The following AHRR variants were observed in gnomAD, a reference collection of about 807,000 sequenced individuals.
The protein encoded by AHRR is ahR repressor.
Under a neutral mutation model 44.0 loss-of-function variants are expected in AHRR, and 28 were observed. That is an observed-to-expected ratio of 0.64 (90% CI 0.47 to 0.87). AHRR has a LOEUF of 0.87. AHRR is among the 40% of genes least tolerant of loss of function. The pLI, the probability that AHRR is intolerant of heterozygous loss-of-function variation, is 0.00. For missense variants in AHRR, 990 were observed against 953.9 expected (o/e 1.04, Z -0.50); for synonymous variants, 434 against 407.0 (o/e 1.07, Z -0.80).
intron 1 of AHRR, among the ~76,000 whole-genome samples, chr5:341,677 A>C (rs1742355091): frequency 6.6e-6 from 1 of 150,892 alleles, no homozygotes; most frequent in Admixed American, 6.6e-5. Context: ...ATGAGCCACC[A>C]CGCCCTGCCA....
At chr5:359,676 G>A (rs952578359) in intron 3 of AHRR, among the ~76,000 whole-genome samples, 2 of 152,164 alleles carry the variant, frequency 1.3e-5, no homozygotes, top group East Asian at 1.9e-4. Flanking sequence ...TGCATCCACC[G>A]TGCTCCACTG....
At chr5:391,404 GC>G (rs1235448824) in intron 4 of AHRR, among the ~76,000 whole-genome samples, 1 of 113,048 alleles carries the variant, frequency 8.8e-6, no homozygotes, top group Non-Finnish European at 1.7e-5. Context: ...GCAGGGCGAG[GC>G]AGGGCCAGAG....
At position 337,576 on chromosome 5, in the gene AHRR, G is replaced by T. The variant is rs1742185295; in HGVS notation, c.-10-6317G>T. Among the ~76,000 whole-genome samples, 1 of 151,898 alleles carries T rather than the reference G, an allele frequency of 6.6e-6. No individual in the cohort carries two copies. The highest frequency in any genetic ancestry group is 2.4e-5 in the African/African-American group (1 of 41,332). ...AAAAATTATTTTCTGTAGAGATGAGGTCTCACTGTGTTGGCGTTTTATATT... is the reference window on the plus strand; with the variant it reads ...AAAAATTATTTTCTGTAGAGATGAGTTCTCACTGTGTTGGCGTTTTATATT... On this transcript the variant is annotated intron_variant, in intron 1 of 10. Transcript: ENST00000684583. The surrounding 1 kb of genome is among the most constrained non-coding windows in gnomAD (Gnocchi z 4.1).
chr5:365,643 T>C (rs1302822241), intron 3 of AHRR, among the ~76,000 whole-genome samples: 1 of 152,064 alleles, frequency 6.6e-6, no homozygotes, highest in African/African-American at 2.4e-5. Flanking sequence ...TCTTTTAAAA[T>C]GATAAACTTT....
At chr5:371,435 T>C (rs890150400) in intron 3 of AHRR, among the ~76,000 whole-genome samples, 1 of 152,230 alleles carries the variant, frequency 6.6e-6, no homozygotes, top group Non-Finnish European at 1.5e-5. Flanking sequence ...AGCCCAGCCC[T>C]GCTCTAGGCT....
In AHRR at chr5:422,553, TCTC is replaced by T. The variant is rs376985302; in HGVS notation, c.442-175_442-173del. The T allele has an allele frequency of 2.3e-4, 189 of 812,188 alleles. 1 individual carries two copies. The African/African-American group carries it at 2.8e-3, about 12-fold the overall frequency. 50.3% of individuals were successfully genotyped at this position (812,188 alleles called of 1,614,324 possible). A position where few individuals can be genotyped will look rare whatever the true frequency, so the allele number is the denominator to read the frequency against. ...GGTGCTCCAGGCAACTTAGACATCT[TCTC>T]AGGAGGGAGTGGGGAACCGGGGCCA... On this transcript the variant is annotated intron_variant, in intron 5 of 10. Transcript: ENST00000684583.
rs1560907612 is a variant in AHRR at position 398,216 on chromosome 5, G to GTAGCCCCTGACCATCCACA, written c.352-15124_352-15123insCCCTGACCATCCACATAGC. Among the ~76,000 whole-genome samples, 7 of 72,792 alleles carry GTAGCCCCTGACCATCCACA rather than the reference G, an allele frequency of 9.6e-5. 1 individual carries two copies. The highest frequency in any genetic ancestry group is 1.2e-4 in the Non-Finnish European group (5 of 43,204). The allele number at this position is 72,792 out of a possible 152,430, so 47.8% of individuals were successfully genotyped here. The stretch of plus-strand genomic sequence containing the variant: ...ATCCACGTAGCTCCTGACCATCCAC[G>GTAGCCCCTGACCATCCACA]TAGCTCCTGACCATCCATGTTAGCC... On this transcript the variant is annotated intron_variant, in intron 4 of 10. Coordinates refer to ENST00000684583, the MANE Select transcript of AHRR (RefSeq NM_001377236.1).
intron 5 of AHRR, 22 bp from the exon 6 acceptor site, chr5:422,707 T>A: frequency 6.2e-7 from 1 of 1,614,072 alleles, no homozygotes; most frequent in Non-Finnish European, 8.5e-7. Flanking sequence ...AAGGCTGAAA[T>A]AATCTTGTTG....
rs370473413 is a variant in AHRR, at chr5:434,507, C to T, written c.1767C>T (p.His589=). Residue 589 remains histidine, a synonymous_variant, in exon 11 of 11, where the codon CAC becomes CAT. Transcript: ENST00000684583. ...RQQVYISHLG[H]GVRGAQPHGR... is the part of the protein sequence containing the mutation. ...AGGTGTACATCTCGCACCTGGGGCA[C>T]GGCGTGCGGGGGGCTCAGCCCCATG... 4.7e-5 allele frequency: 76 copies of T among 1,612,662 alleles called. No homozygotes were observed. Among genetic ancestry groups the T allele is most frequent in the African/African-American group, 1.9e-4 (14 of 75,032 alleles).
chr5:384,921 G>A lies in AHRR; in HGVS notation c.351+8205G>A, dbSNP rs549415486. ...AGCACTTTGGGAGGCTGAGGCAGGC[G>A]GATCACAAGGTCAGGAGTTCAAGAT... On this transcript the variant is annotated intron_variant, in intron 4 of 10. Transcript: ENST00000684583. Among the ~76,000 whole-genome samples, 171 of 152,042 alleles carry A rather than the reference G, an allele frequency of 1.1e-3. 1 individual carries two copies. The highest frequency in any genetic ancestry group is 2.2e-3 in the Non-Finnish European group (153 of 68,002).
chr5:404,030 G>T lies in AHRR; in HGVS notation c.352-9314G>T. The T allele has an allele frequency of 2.6e-6, 2 of 782,130 alleles. No homozygotes were observed. The highest frequency in any genetic ancestry group is 2.0e-5 in the Admixed American group (1 of 50,930). The allele number at this position is 782,130 out of a possible 1,614,324, so 48.4% of individuals were successfully genotyped here. On this transcript the variant is annotated intron_variant, in intron 4 of 10. Transcript: ENST00000684583. This position sits in a 1 kb window ranked among gnomAD's most constrained non-coding sequence, Gnocchi z 4.1. ...TGGTGTTTTTTCTTAATCCACGGCT[G>T]AATCTGTTTAGTCTTTGCATCCAAA...
intron 1 of AHRR, among the ~76,000 whole-genome samples, chr5:333,998 T>C (rs934529181): frequency 1.3e-5 from 2 of 152,168 alleles, no homozygotes; most frequent in African/African-American, 4.8e-5. Flanking sequence ...GGATATCAAA[T>C]TGTTGGCCGA....
intron 4 of AHRR, among the ~76,000 whole-genome samples, chr5:382,030 A>T (rs1282925360): frequency 6.6e-6 from 1 of 152,194 alleles, no homozygotes. Context: ...CATTCTTAAG[A>T]TAGATCTCAT....
rs1264150683 is a variant in AHRR at position 385,476 on chromosome 5, C to T, written c.351+8760C>T. Among the ~76,000 whole-genome samples, 9 of 152,132 alleles carry T rather than the reference C, an allele frequency of 5.9e-5. No individual in the cohort carries two copies. The South Asian group carries it at 8.3e-4, about 14-fold the overall frequency. On this transcript the variant is annotated intron_variant, in intron 4 of 10. Coordinates refer to ENST00000684583, the MANE Select transcript of AHRR (RefSeq NM_001377236.1). ...AGGTATAAACCACCATGCCCAGCTT[C>T]GCCTCCATTTGTGGTGAATACTTTT...
intron 4 of AHRR, among the ~76,000 whole-genome samples, chr5:401,185 C>T (rs767667022): frequency 3.3e-5 from 5 of 152,242 alleles, no homozygotes; most frequent in Non-Finnish European, 5.9e-5. Context: ...CACGTCATCT[C>T]ACCCTGTCTC....
chr5:426,967 CATGG>C (rs144989841), intron 7 of AHRR, among the ~76,000 whole-genome samples: 2,423 of 112,002 alleles, frequency 0.022, 29 homozygotes, highest in South Asian at 0.086. Flanking sequence ...TGGATGGAAA[CATGG>C]ATGGATGGAT....
intron 4 of AHRR, among the ~76,000 whole-genome samples, chr5:381,875 C>T (rs1734001786): frequency 6.6e-6 from 1 of 151,912 alleles, no homozygotes; most frequent in South Asian, 2.1e-4. Context: ...CCTTTTATTC[C>T]TTGTTTTCTG....
intron 3 of AHRR, among the ~76,000 whole-genome samples, chr5:366,440 G>GAATA (rs34534888): frequency 0.71 from 106,824 of 151,506 alleles, 38,263 homozygotes; most frequent in African/African-American, 0.77. Context: ...ATAAATGAAT[G>GAATA]AATAAGTAAA....
chr5:377,661 G>C (rs928208549), intron 4 of AHRR, among the ~76,000 whole-genome samples: 1 of 152,222 alleles, frequency 6.6e-6, no homozygotes, highest in African/African-American at 2.4e-5. Flanking sequence ...AGATCCTCCT[G>C]TGTGTCTCCA....
Sources: allele counts gnomAD v4.1 joint callset (sites outside exome capture counted in the v4.1 genomes callset), GRCh38; gene constraint gnomAD v4.1.1; non-coding constraint Gnocchi (gnomAD v3.1); transcripts MANE v1.5; gene names NCBI Gene and HGNC (gene_info 2026-07-23, HGNC 2026-07-21).